The following ITGAV variants were observed in gnomAD, a reference collection of about 807,000 sequenced individuals.
ITGAV encodes integrin subunit alpha V.
Under a neutral mutation model 143.8 loss-of-function variants are expected in ITGAV, and 76 were observed. That is an observed-to-expected ratio of 0.53 (90% CI 0.44 to 0.64). ITGAV has a LOEUF of 0.64. Among genes scored for constraint, ITGAV ranks in the 30% least tolerant of loss-of-function variants. The pLI, the probability that ITGAV is intolerant of heterozygous loss-of-function variation, is 0.00. For missense variants in ITGAV, 1,193 were observed against 1,274.7 expected (o/e 0.94, Z 0.98); for synonymous variants, 453 against 446.7 (o/e 1.01, Z -0.18).
At chr2:186,597,040 G>C (rs751346135) in intron 1 of ITGAV, among the ~76,000 whole-genome samples, 16 of 152,268 alleles carry the variant, frequency 1.1e-4, no homozygotes, top group Middle Eastern at 3.4e-3. Context: ...GGTATGCTTA[G>C]GAAAACTTAA....
intron 2 of ITGAV, among the ~76,000 whole-genome samples, chr2:186,618,320 C>T (rs951570339): frequency 1.3e-5 from 2 of 152,172 alleles, no homozygotes; most frequent in East Asian, 1.9e-4. Context: ...TTTTTGAAGA[C>T]CATTGACTAA....
intron 2 of ITGAV, among the ~76,000 whole-genome samples, chr2:186,611,997 CA>C (rs1687229933): frequency 6.6e-6 from 1 of 152,088 alleles, no homozygotes; most frequent in Non-Finnish European, 1.5e-5. Context: ...GCTTTGTAAA[CA>C]AGAAAGCATT....
In ITGAV at chr2:186,590,206, C is replaced by G; in HGVS notation, c.-133C>G. Reference sequence around the variant, plus strand: ...CCTCTTGCCTGCCCCGGAGCTGTCCCGGGCTAGCCGAGAAGAGAGCGGCCG... The same window carrying G: ...CCTCTTGCCTGCCCCGGAGCTGTCCGGGGCTAGCCGAGAAGAGAGCGGCCG... On this transcript the variant is annotated 5_prime_UTR_variant, in exon 1 of 30. Coordinates refer to ENST00000261023, the MANE Select transcript of ITGAV (RefSeq NM_002210.5). The G allele has an allele frequency of 2.8e-6, 2 of 726,862 alleles. No homozygotes were observed. The highest frequency in any genetic ancestry group is 2.0e-6 in the Non-Finnish European group (1 of 503,852). 45.0% of individuals were successfully genotyped at this position (726,862 alleles called of 1,614,324 possible).
chr2:186,627,566 T>C (rs1185178946), intron 4 of ITGAV, among the ~76,000 whole-genome samples: 1 of 152,156 alleles, frequency 6.6e-6, no homozygotes, highest in Non-Finnish European at 1.5e-5. Flanking sequence ...TATAAAGTCA[T>C]TTAAAGCCAT....
At position 186,659,132 on chromosome 2, in the gene ITGAV, A is replaced by C. The variant is rs1229363279; in HGVS notation, c.1814A>C (p.Gln605Pro). 1 of 1,613,088 alleles carries C rather than the reference A, an allele frequency of 6.2e-7. No homozygotes were observed. Among genetic ancestry groups the C allele is most frequent in the Non-Finnish European group, 8.5e-7 (1 of 1,179,382 alleles). Residue 605 changes from glutamine (Q) to proline (P), a missense_variant, in exon 18 of 30, where the codon CAA (glutamine) becomes CCA (proline). Transcript: ENST00000261023. The part of the protein sequence containing the change: ...YRTAADTTGL[Q>P]PILNQFTPAN... ...ACAGCTGCTGATACAACAGGCTTGC[A>C]ACCCATTCTTAACCAGTTCACGCCT... is the stretch of plus-strand genomic sequence containing the variant.
chr2:186,648,956 ATATATATATACATTTG>A (rs1236021844), intron 13 of ITGAV, among the ~76,000 whole-genome samples: 1 of 146,854 alleles, frequency 6.8e-6, no homozygotes, highest in Non-Finnish European at 1.5e-5. Context: ...ATTTGTGTGT[ATATATATATACATTTG>A]TATATATATA....
intron 4 of ITGAV, among the ~76,000 whole-genome samples, chr2:186,629,104 G>A (rs1574477032): frequency 6.6e-6 from 1 of 152,024 alleles, no homozygotes; most frequent in Non-Finnish European, 1.5e-5. Context: ...TGATCTTACT[G>A]TCAGAATCAA....
rs1370255907 is a variant in ITGAV, at chr2:186,676,907, T to A, written c.3023T>A (p.Leu1008Gln). Residue 1008 changes from leucine (L) to glutamine (Q), a missense_variant, in exon 29 of 30, where the codon CTG becomes CAG. Physicochemically the swap from Leu to Gln is moderately radical, Grantham distance 113 (BLOSUM62 -2). Transcript: ENST00000261023. Reference protein sequence around the residue: ...ILAVLAGLLLLAVLVFVMYRM... With the variant: ...ILAVLAGLLLQAVLVFVMYRM... ...GCAGTTCTAGCAGGATTGTTGCTAC[T>A]GGCTGTTTTGGTATTTGTAATGTAC... 1 of 1,613,894 alleles carries A rather than the reference T, an allele frequency of 6.2e-7. No homozygotes were observed. Among genetic ancestry groups the A allele is most frequent in the Non-Finnish European group, 8.5e-7 (1 of 1,179,980 alleles).
At chr2:186,641,363 G>A (rs1054778811) in intron 11 of ITGAV, 23 bp from the exon 12 acceptor site, 8 of 1,595,310 alleles carry the variant, frequency 5.0e-6, no homozygotes, top group South Asian at 4.4e-5. Context: ...TCTTGCTTTG[G>A]TGAGAAGTTT....
chr2:186,590,101 A>C lies in ITGAV; in HGVS notation c.-238A>C. The C allele has an allele frequency of 1.5e-5, 6 of 393,252 alleles. No individual in the cohort carries two copies. The highest frequency in any genetic ancestry group is 4.7e-5 in the Admixed American group (1 of 21,374). The allele number at this position is 393,252 out of a possible 1,614,324, so 24.4% of individuals were successfully genotyped here. On this transcript the variant is annotated 5_prime_UTR_variant, in exon 1 of 30. Transcript: ENST00000261023. ...GCGTGGAGCGGCGGAGCCGGAGGGA[A>C]GCAAAGGACCGTCTGCGCTGCTGTC... is the stretch of plus-strand genomic sequence containing the variant.
rs1689288208 is a variant in ITGAV, at chr2:186,679,105, T to G, written c.*1813T>G. 6.5e-6 allele frequency: 1 copy of G among 153,082 alleles called. No individual in the cohort carries two copies. Among genetic ancestry groups the G allele is most frequent in the Non-Finnish European group, 1.5e-5 (1 of 68,686 alleles). The allele number at this position is 153,082 out of a possible 1,614,324, so 9.5% of individuals were successfully genotyped here. On this transcript the variant is annotated 3_prime_UTR_variant, in exon 30 of 30. Coordinates refer to ENST00000261023, the MANE Select transcript of ITGAV (RefSeq NM_002210.5). ...TTTTTATTACCAATAAATTTAAAAT[T>G]TTTTAAGAAAAATATTTTTATCCTA... is the stretch of plus-strand genomic sequence containing the variant.
At chr2:186,598,693 T>C (rs1686816632) in intron 1 of ITGAV, among the ~76,000 whole-genome samples, 1 of 152,170 alleles carries the variant, frequency 6.6e-6, no homozygotes, top group South Asian at 2.1e-4. Flanking sequence ...CCGCCCAAAG[T>C]GTTGGGATTG....
At chr2:186,664,316 G>A (rs550811823) in intron 19 of ITGAV, among the ~76,000 whole-genome samples, 178 bp from the exon 20 acceptor site, 62 of 152,224 alleles carry the variant, frequency 4.1e-4, no homozygotes, top group Admixed American at 2.0e-3. Context: ...AGAAGCATTC[G>A]ATTTGCACCC....
chr2:186,643,494 T>G (rs1688164989), intron 12 of ITGAV, among the ~76,000 whole-genome samples: 1 of 152,218 alleles, frequency 6.6e-6, no homozygotes, highest in Non-Finnish European at 1.5e-5. Context: ...ATTATACATG[T>G]ATATGTTCTA....
rs1216913580 is a variant in ITGAV at position 186,670,904 on chromosome 2, C to A, written c.2706+1090C>A. The stretch of plus-strand genomic sequence containing the variant: ...TTGGGTTTTCCCAAGTCTGCTCTTT[C>A]CATAAAGTTCTTAGTTGATTTTAGT... On this transcript the variant is annotated intron_variant, in intron 26 of 29. Transcript: ENST00000261023. 2.6e-5 allele frequency among the ~76,000 whole-genome samples: 4 copies of A among 152,326 alleles called. No individual in the cohort carries two copies. The East Asian group carries it at 7.7e-4, about 29-fold the overall frequency.
intron 2 of ITGAV, among the ~76,000 whole-genome samples, chr2:186,605,880 T>C (rs1213676081): frequency 6.7e-6 from 1 of 149,860 alleles, no homozygotes; most frequent in African/African-American, 2.4e-5. Context: ...GTATAATACA[T>C]ATATTCTTAT....
rs757530253 is a variant in ITGAV at position 186,675,901 on chromosome 2, A to G, written c.2902A>G (p.Ile968Val). ...VIEFPYKNLP[I>V]EDITNSTLVT... ...AGAGTTTCCTTATAAGAATCTTCCA[A>G]TTGAGGATATCACCAACTCCACATT... Residue 968 changes from isoleucine to valine, a missense_variant, in exon 28 of 30, where the codon ATT becomes GTT. Physicochemically the swap from Ile to Val is conservative, Grantham distance 29 (BLOSUM62 3). Transcript: ENST00000261023. The G allele has an allele frequency of 3.1e-6, 5 of 1,598,158 alleles. No individual in the cohort carries two copies. The highest frequency in any genetic ancestry group is 1.1e-5 in the South Asian group (1 of 90,518).
At chr2:186,600,459 C>T (rs1686868986) in intron 1 of ITGAV, 7 of 1,520,474 alleles carry the variant, frequency 4.6e-6, no homozygotes, top group East Asian at 2.5e-5. Flanking sequence ...AAGATGATTT[C>T]CTTAGAGAGA....
At chr2:186,626,976 A>T (rs959079197) in intron 4 of ITGAV, among the ~76,000 whole-genome samples, 1 of 152,232 alleles carries the variant, frequency 6.6e-6, no homozygotes, top group Non-Finnish European at 1.5e-5. Flanking sequence ...TTTTATAGCT[A>T]CGAAGAATGA....
Sources: allele counts gnomAD v4.1 joint callset (sites outside exome capture counted in the v4.1 genomes callset), GRCh38; gene constraint gnomAD v4.1.1; transcripts MANE v1.5; gene names NCBI Gene and HGNC (gene_info 2026-07-23, HGNC 2026-07-21).